Variants in GRM5 observed in about 807,000 individuals in gnomAD.
The protein encoded by GRM5 is glutamate metabotropic receptor 5, also known as metabotropic glutamate receptor 5.
Under a neutral mutation model 83.1 loss-of-function variants are expected in GRM5, and 19 were observed. The ratio of observed to expected loss-of-function variants is 0.23; its 90% CI spans 0.16 to 0.34. The LOEUF (loss-of-function observed/expected upper bound fraction) is 0.34, where lower values mean the gene tolerates loss of function less well. Among genes scored for constraint, GRM5 ranks in the 10% least tolerant of loss-of-function variants. The probability of loss-of-function intolerance (pLI) is 1.00; values close to 1 mark genes in which losing one functional copy is unlikely to be tolerated. For synonymous variants in GRM5, 675 were observed against 633.6 expected (o/e 1.07, Z -0.98); for missense variants, 1,160 against 1,588.3 (o/e 0.73, Z 4.58).
intron 1 of GRM5, among the ~76,000 whole-genome samples, chr11:89,054,996 C>T (rs780371760): frequency 6.6e-6 from 1 of 152,140 alleles, no homozygotes; most frequent in Non-Finnish European, 1.5e-5. Flanking sequence ...GAGGGATATG[C>T]TTTCTAAATT....
chr11:88,667,400 A>G (rs376417002), intron 3 of GRM5, among the ~76,000 whole-genome samples: 154 of 152,308 alleles, frequency 1.0e-3, no homozygotes, highest in African/African-American at 3.4e-3. Flanking sequence ...ACAGATTAAT[A>G]AGTATGATGA....
chr11:88,803,848 A>G (rs1395943711), intron 3 of GRM5, among the ~76,000 whole-genome samples: 1 of 152,186 alleles, frequency 6.6e-6, no homozygotes, highest in Non-Finnish European at 1.5e-5. Flanking sequence ...AGAAAAAAAC[A>G]AACAACCCCA....
chr11:88,670,537 G>A (rs1427444071), intron 3 of GRM5, among the ~76,000 whole-genome samples: 2 of 13,908 alleles, frequency 1.4e-4, no homozygotes, highest in Non-Finnish European at 3.2e-4. Context: ...CAAAATGATA[G>A]CTAGATAGGC....
intron 1 of GRM5, among the ~76,000 whole-genome samples, chr11:89,049,820 A>C (rs1315484182): frequency 1.3e-5 from 2 of 152,226 alleles, no homozygotes; most frequent in African/African-American, 4.8e-5. Flanking sequence ...GAAGACTGTT[A>C]GATTTTTCAT....
chr11:89,016,969 A>G (rs1940873977), intron 2 of GRM5, among the ~76,000 whole-genome samples: 1 of 152,162 alleles, frequency 6.6e-6, no homozygotes. Context: ...CATTTTAACT[A>G]CCAAATACAG....
At chr11:88,876,966 C>T (rs1233306905) in intron 2 of GRM5, among the ~76,000 whole-genome samples, 1 of 151,998 alleles carries the variant, frequency 6.6e-6, no homozygotes, top group East Asian at 1.9e-4. Flanking sequence ...AGTCACGCAC[C>T]TAAGGCCTAA....
intron 3 of GRM5, among the ~76,000 whole-genome samples, chr11:88,758,403 C>A (rs779393089): frequency 6.6e-6 from 1 of 152,060 alleles, no homozygotes; most frequent in South Asian, 2.1e-4. Flanking sequence ...ACCCAATAGA[C>A]GTGGAAGACA....
At chr11:88,973,848 C>A (rs1052505494) in intron 2 of GRM5, among the ~76,000 whole-genome samples, 2 of 151,890 alleles carry the variant, frequency 1.3e-5, no homozygotes, top group African/African-American at 4.8e-5. Flanking sequence ...ACAACAGGTC[C>A]CTATATTTTT....
chr11:88,928,177 A>C (rs1945821363), intron 2 of GRM5, among the ~76,000 whole-genome samples: 1 of 152,114 alleles, frequency 6.6e-6, no homozygotes, highest in Non-Finnish European at 1.5e-5. Flanking sequence ...AACAAAATTG[A>C]TGAGAAATTT....
intron 8 of GRM5, among the ~76,000 whole-genome samples, chr11:88,554,877 T>G (rs959675675): frequency 6.6e-6 from 1 of 152,270 alleles, no homozygotes. Flanking sequence ...CCTCTTATAA[T>G]GGCAGTGTTA....
At chr11:88,932,670 G>A (rs899604541) in intron 2 of GRM5, among the ~76,000 whole-genome samples, 1 of 151,788 alleles carries the variant, frequency 6.6e-6, no homozygotes, top group Admixed American at 6.6e-5. Context: ...TCATATTTAG[G>A]ACATGATATT....
At chr11:88,880,566 T>A (rs1944935171) in intron 2 of GRM5, among the ~76,000 whole-genome samples, 1 of 152,162 alleles carries the variant, frequency 6.6e-6, no homozygotes, top group Non-Finnish European at 1.5e-5. Context: ...CATTTTAAAT[T>A]TGAAATTTCT....
chr11:88,549,486 C>T (rs1376069113), intron 8 of GRM5, among the ~76,000 whole-genome samples: 1 of 151,258 alleles, frequency 6.6e-6, no homozygotes, highest in Non-Finnish European at 1.5e-5. Flanking sequence ...AACCAAACCC[C>T]AACCCCCCAG....
intron 2 of GRM5, among the ~76,000 whole-genome samples, chr11:89,024,795 T>C (rs1432237245): frequency 1.3e-5 from 2 of 152,148 alleles, no homozygotes; most frequent in Non-Finnish European, 2.9e-5. Context: ...TGAAATATAA[T>C]ATTGGACCTT....
intron 2 of GRM5, among the ~76,000 whole-genome samples, chr11:89,008,470 T>C (rs1348078918): frequency 2.0e-5 from 3 of 152,162 alleles, no homozygotes; most frequent in Non-Finnish European, 2.9e-5. Context: ...TAAAATGTTA[T>C]TCTTCATGGC....
At chr11:88,981,044 G>A (rs1939503192) in intron 2 of GRM5, among the ~76,000 whole-genome samples, 1 of 151,788 alleles carries the variant, frequency 6.6e-6, no homozygotes, top group Non-Finnish European at 1.5e-5. Context: ...AAAAATCTAT[G>A]GTTAGGAACT....
intron 3 of GRM5, among the ~76,000 whole-genome samples, chr11:88,724,353 G>A (rs1022948458): frequency 3.3e-5 from 5 of 152,042 alleles, no homozygotes; most frequent in African/African-American, 4.8e-5. Flanking sequence ...CTGCCACTCT[G>A]CTTACACTGT....
intron 2 of GRM5, among the ~76,000 whole-genome samples, chr11:88,927,233 T>A (rs558088903): frequency 1.7e-5 from 2 of 114,934 alleles, no homozygotes; most frequent in South Asian, 7.2e-4. Flanking sequence ...TTATTTCGAT[T>A]CTTCTAGGGC....
At chr11:88,991,870 G>T (rs1466161062) in intron 2 of GRM5, among the ~76,000 whole-genome samples, 1 of 152,018 alleles carries the variant, frequency 6.6e-6, no homozygotes, top group Non-Finnish European at 1.5e-5. Flanking sequence ...ATTCAAGATG[G>T]ATTAAAGACT....
Sources: allele counts gnomAD v4.1 joint callset (sites outside exome capture counted in the v4.1 genomes callset), GRCh38; gene constraint gnomAD v4.1.1; transcripts MANE v1.5; gene names NCBI Gene and HGNC (gene_info 2026-07-23, HGNC 2026-07-21).